SCLT1: variants seen among roughly 807,000 people sequenced by gnomAD.
The protein encoded by SCLT1 is sodium channel and clathrin linker 1.
SCLT1 carries 78 observed loss-of-function variants against 112.8 expected under a neutral mutation model. That is an observed-to-expected ratio of 0.69 (90% CI 0.58 to 0.83). The LOEUF is 0.83. Ranked by LOEUF, SCLT1 falls within the 40% of genes least tolerant of loss-of-function variation. The pLI is 0.00. For missense variants in SCLT1, 747 were observed against 770.4 expected, an observed-to-expected ratio of 0.97 and a Z score of 0.36; for synonymous variants, 257 against 254.7, an observed-to-expected ratio of 1.01 and a Z score of -0.09.
At chr4:129,060,351 T>G (rs577456683) in intron 2 of SCLT1, among the ~76,000 whole-genome samples, 1 of 152,328 alleles carries the variant, frequency 6.6e-6, no homozygotes, top group South Asian at 2.1e-4. Context: ...TGGGTTCTTT[T>G]ACTAAAGACT....
intron 18 of SCLT1, among the ~76,000 whole-genome samples, chr4:128,936,400 G>C (rs1401044921): frequency 6.6e-6 from 1 of 151,972 alleles, no homozygotes; most frequent in African/African-American, 2.4e-5. Context: ...AATAGATTTT[G>C]TTGCAACTAT....
downstream of SCLT1, among the ~76,000 whole-genome samples, chr4:128,882,697 A>T (rs1397919477): frequency 6.6e-6 from 1 of 152,170 alleles, no homozygotes; most frequent in Non-Finnish European, 1.5e-5. Context: ...AAATATTCCA[A>T]AAAGAAAGAG....
intron 18 of SCLT1, among the ~76,000 whole-genome samples, chr4:128,895,357 C>G (rs1233179899): frequency 6.6e-6 from 1 of 152,144 alleles, no homozygotes; most frequent in Non-Finnish European, 1.5e-5. Flanking sequence ...TCATAAGATC[C>G]TCCAAAATTT....
intron 5 of SCLT1, among the ~76,000 whole-genome samples, chr4:129,035,685 T>C (rs530963434): frequency 6.6e-6 from 1 of 152,258 alleles, no homozygotes; most frequent in Admixed American, 6.5e-5. Context: ...TTTATTCAAT[T>C]ATCTTACTCA....
intron 5 of SCLT1, among the ~76,000 whole-genome samples, chr4:129,010,595 C>T (rs1319507053): frequency 6.6e-6 from 1 of 152,040 alleles, no homozygotes; most frequent in Non-Finnish European, 1.5e-5. Flanking sequence ...TTTCTTTGAG[C>T]AGTATTTTGT....
At chr4:128,959,441 T>C (rs1369641315) in intron 12 of SCLT1, among the ~76,000 whole-genome samples, 159 bp downstream of exon 12, 3 of 152,184 alleles carry the variant, frequency 2.0e-5, no homozygotes, top group African/African-American at 7.2e-5. Context: ...TGATGATATC[T>C]GGTTTTACCA....
chr4:128,971,606 A>T (rs1489787376), intron 9 of SCLT1: 6 of 152,190 alleles, frequency 3.9e-5, no homozygotes, highest in African/African-American at 1.2e-4. Flanking sequence ...CACAATACGT[A>T]ATAAAACTAG....
At chr4:128,931,946 C>A (rs1170959217) in intron 18 of SCLT1, among the ~76,000 whole-genome samples, 1 of 84,280 alleles carries the variant, frequency 1.2e-5, no homozygotes, top group Non-Finnish European at 2.5e-5. Flanking sequence ...ATATTTCTAT[C>A]CCTTTTTTTT....
chr4:128,932,936 A>G (rs554482816), intron 18 of SCLT1, among the ~76,000 whole-genome samples: 409 of 152,324 alleles, frequency 2.7e-3, no homozygotes, highest in Middle Eastern at 0.01. Context: ...AAAACTGATA[A>G]AAGAAATTTA....
chr4:128,973,191 C>T (rs532308059), intron 9 of SCLT1, among the ~76,000 whole-genome samples: 2 of 152,156 alleles, frequency 1.3e-5, no homozygotes, highest in African/African-American at 4.8e-5. Flanking sequence ...TATCTCAATA[C>T]TTATAATATA....
intron 9 of SCLT1, among the ~76,000 whole-genome samples, chr4:128,986,311 C>G (rs936339195): frequency 6.6e-6 from 1 of 152,156 alleles, no homozygotes; most frequent in Admixed American, 6.5e-5. Flanking sequence ...AAGAATTCAC[C>G]GTCCCAGTGG....
chr4:129,071,182 A>G (rs1699379), intron 2 of SCLT1, among the ~76,000 whole-genome samples: 109,599 of 152,014 alleles, frequency 0.72, 41,538 homozygotes, highest in South Asian at 0.89. Flanking sequence ...ATTGAGGCCC[A>G]TTTTATGGTC....
At position 129,003,102 on chromosome 4, in the gene SCLT1, C is replaced by T. The variant is rs145799995; in HGVS notation, c.426+639G>A. 4.1e-3 allele frequency among the ~76,000 whole-genome samples: 619 copies of T among 152,102 alleles called. 3 individuals are homozygous for T. The highest frequency in any genetic ancestry group is 0.013 in the African/African-American group (556 of 41,494). On this transcript the variant is annotated intron_variant, in intron 6 of 20. Transcript: ENST00000281142. ...ATATACACCATGGAATACTATGCAG[C>T]CATAAAAAAGGATGAGATCATGTCC...
chr4:128,905,879 C>T (rs1243705745), intron 18 of SCLT1, among the ~76,000 whole-genome samples: 1 of 151,552 alleles, frequency 6.6e-6, no homozygotes, highest in Non-Finnish European at 1.5e-5. Flanking sequence ...TCACATGACT[C>T]CATTTATTTT....
intron 8 of SCLT1, among the ~76,000 whole-genome samples, chr4:128,993,551 A>T (rs1252286398): frequency 6.6e-6 from 1 of 152,104 alleles, no homozygotes; most frequent in Non-Finnish European, 1.5e-5. Flanking sequence ...TAGCAAGCCT[A>T]GTAAGAGCTC....
At chr4:128,975,820 T>C (rs72922056) in intron 9 of SCLT1, among the ~76,000 whole-genome samples, 2,418 of 152,270 alleles carry the variant, frequency 0.016, 44 homozygotes, top group African/African-American at 0.045. Flanking sequence ...TTTAGGAAAC[T>C]GAGTAAGTAC....
At chr4:128,879,095 TGTGC>T, downstream of SCLT1, among the ~76,000 whole-genome samples, 1 of 151,974 alleles carries the variant, frequency 6.6e-6, no homozygotes, top group East Asian at 1.9e-4. Flanking sequence ...ACCTGCACAT[TGTGC>T]ACATGTACCC....
At chr4:128,892,330 A>G (rs1054824945) in intron 18 of SCLT1, among the ~76,000 whole-genome samples, 1 of 152,096 alleles carries the variant, frequency 6.6e-6, no homozygotes, top group Non-Finnish European at 1.5e-5. Flanking sequence ...TTCACATCAC[A>G]CTGTGTGTGA....
chr4:129,030,821 C>A (rs1462680032), intron 5 of SCLT1, among the ~76,000 whole-genome samples: 2 of 152,038 alleles, frequency 1.3e-5, no homozygotes, highest in Admixed American at 6.6e-5. Context: ...TACTTAATAG[C>A]CTACCAACTC....
Sources: allele counts gnomAD v4.1 joint callset (sites outside exome capture counted in the v4.1 genomes callset), GRCh38; gene constraint gnomAD v4.1.1; transcripts MANE v1.5; gene names NCBI Gene and HGNC (gene_info 2026-07-23, HGNC 2026-07-21).